DPP6: variants seen among roughly 807,000 people sequenced by gnomAD.
DPP6 encodes dipeptidyl peptidase like 6.
In DPP6, 69 loss-of-function variants were observed where a neutral mutation model predicts 122.6. The observed-to-expected ratio is 0.56, with a 90% CI of 0.46 to 0.69. DPP6 has a LOEUF of 0.69. Among genes scored for constraint, DPP6 ranks in the 30% least tolerant of loss-of-function variants. The pLI, the probability that DPP6 is intolerant of heterozygous loss-of-function variation, is 0.00. For missense variants in DPP6, 928 were observed against 1,116.9 expected (o/e 0.83, Z 2.41); for synonymous variants, 418 against 433.1 (o/e 0.97, Z 0.43).
At chr7:154,148,874 T>A (rs1425537123) in intron 1 of DPP6, among the ~76,000 whole-genome samples, 1 of 152,012 alleles carries the variant, frequency 6.6e-6, no homozygotes, top group Non-Finnish European at 1.5e-5. Context: ...ACCATGTGGG[T>A]CAATATAAGG....
At chr7:154,334,911 G>GA (rs142299205) in intron 1 of DPP6, among the ~76,000 whole-genome samples, 2,627 of 148,442 alleles carry the variant, frequency 0.018, 79 homozygotes, top group African/African-American at 0.061. Context: ...AAAAGGAACA[G>GA]AAAAAAAAAA....
intron 1 of DPP6, among the ~76,000 whole-genome samples, chr7:154,409,298 C>G (rs1035137384): frequency 1.3e-5 from 2 of 152,138 alleles, no homozygotes; most frequent in Non-Finnish European, 2.9e-5. Context: ...CAGCCATGCA[C>G]AGAGAAAAGA....
At chr7:154,529,828 T>C (rs144896404) in intron 3 of DPP6, among the ~76,000 whole-genome samples, 137 of 152,224 alleles carry the variant, frequency 9.0e-4, no homozygotes, top group African/African-American at 2.9e-3. Flanking sequence ...AAATGATAGA[T>C]CAATATCCAA....
chr7:154,128,014 G>A (rs1282431498), intron 1 of DPP6, among the ~76,000 whole-genome samples: 3 of 150,116 alleles, frequency 2.0e-5, no homozygotes, highest in Non-Finnish European at 3.0e-5. Context: ...GACGGTGGAA[G>A]AAAGCCCAAG....
In DPP6 at chr7:154,892,696, T is replaced by C. The variant is rs1806724469; in HGVS notation, c.*216T>C. 1 of 1,017,428 alleles carries C rather than the reference T, an allele frequency of 9.8e-7. No individual in the cohort carries two copies. 63.0% of individuals were successfully genotyped at this position (1,017,428 alleles called of 1,614,324 possible). ...GCCTCCATGGCACCAGGGACAACGC[T>C]GTCCCCGCAGCAGCGCCTCCTCCCG... On this transcript the variant is annotated 3_prime_UTR_variant, in exon 26 of 26. Transcript: ENST00000377770.
At chr7:154,222,113 C>G (rs1458802766) in intron 1 of DPP6, among the ~76,000 whole-genome samples, 1 of 152,156 alleles carries the variant, frequency 6.6e-6, no homozygotes. Flanking sequence ...GAATCTGCCC[C>G]AGCATCCAAA....
chr7:153,808,287 CTG>C, the DPP6 span, among the ~76,000 whole-genome samples: 27 of 143,336 alleles, frequency 1.9e-4, no homozygotes, highest in African/African-American at 3.1e-4. Flanking sequence ...ACGTGTGTGC[CTG>C]TGTGTGTGTC....
intron 16 of DPP6, among the ~76,000 whole-genome samples, chr7:154,852,600 A>G (rs144853882): frequency 3.3e-5 from 5 of 152,086 alleles, no homozygotes; most frequent in African/African-American, 1.2e-4. Flanking sequence ...CAAACATCCA[A>G]TCGAGCACAA....
the DPP6 span, among the ~76,000 whole-genome samples, chr7:153,881,735 G>C: frequency 6.6e-6 from 1 of 152,072 alleles, no homozygotes; most frequent in Non-Finnish European, 1.5e-5. Flanking sequence ...TCTGCTTCCA[G>C]GTGATAGTGT....
intron 1 of DPP6, among the ~76,000 whole-genome samples, chr7:154,061,637 G>T (rs1246744421): frequency 9.2e-6 from 1 of 108,750 alleles, no homozygotes; most frequent in Non-Finnish European, 2.0e-5. Context: ...GGCACCCGCT[G>T]CGAGGCGGGG....
intron 1 of DPP6, among the ~76,000 whole-genome samples, chr7:154,214,122 C>T (rs564413285): frequency 8.5e-5 from 13 of 152,300 alleles, no homozygotes; most frequent in South Asian, 8.3e-4. Flanking sequence ...GGAGCAAAGT[C>T]GCTGTTTATT....
upstream of DPP6, among the ~76,000 whole-genome samples, chr7:153,886,168 T>A (rs1462534920): frequency 6.7e-6 from 1 of 148,684 alleles, no homozygotes; most frequent in Non-Finnish European, 1.5e-5. Context: ...GATGTGTCTA[T>A]CAGCTCTGAA....
the DPP6 span, among the ~76,000 whole-genome samples, chr7:153,860,373 T>G: frequency 3.3e-5 from 5 of 152,062 alleles, no homozygotes; most frequent in Non-Finnish European, 7.4e-5. Flanking sequence ...CCTTTGGTGT[T>G]TGACTGTGTT....
intron 6 of DPP6, among the ~76,000 whole-genome samples, chr7:154,654,047 A>G (rs1837062323): frequency 6.6e-6 from 1 of 152,154 alleles, no homozygotes; most frequent in South Asian, 2.1e-4. Context: ...TTATTCCCTA[A>G]ATGATACAGT....
intron 1 of DPP6, among the ~76,000 whole-genome samples, chr7:154,278,975 A>G (rs534373847): frequency 6.6e-6 from 1 of 151,088 alleles, no homozygotes; most frequent in Non-Finnish European, 1.5e-5. Flanking sequence ...GTGTGTGTAT[A>G]TATGTGTGTG....
At chr7:154,235,315 T>G (rs1259244764) in intron 1 of DPP6, among the ~76,000 whole-genome samples, 1 of 152,202 alleles carries the variant, frequency 6.6e-6, no homozygotes, top group East Asian at 1.9e-4. Flanking sequence ...GCGTCATGTT[T>G]TCAAGGCTCA....
At chr7:154,438,637 T>C (rs1819107805) in intron 1 of DPP6, among the ~76,000 whole-genome samples, 1 of 152,152 alleles carries the variant, frequency 6.6e-6, no homozygotes, top group Non-Finnish European at 1.5e-5. Context: ...TTTGAGCTTC[T>C]TACCTTTTTG....
the DPP6 span, among the ~76,000 whole-genome samples, chr7:153,848,182 C>T: frequency 6.6e-6 from 1 of 152,048 alleles, no homozygotes; most frequent in African/African-American, 2.4e-5. Context: ...TTATTTAGTA[C>T]AGATTTAATA....
chr7:154,188,018 G>A (rs376287230), intron 1 of DPP6, among the ~76,000 whole-genome samples: 7 of 151,912 alleles, frequency 4.6e-5, no homozygotes, highest in Non-Finnish European at 8.8e-5. Context: ...CCAACATTCC[G>A]TACCTGAAGA....
Sources: allele counts gnomAD v4.1 joint callset (sites outside exome capture counted in the v4.1 genomes callset), GRCh38; gene constraint gnomAD v4.1.1; transcripts MANE v1.5; gene names NCBI Gene and HGNC (gene_info 2026-07-23, HGNC 2026-07-21).